The following NLGN1 variants were observed in gnomAD, a reference collection of about 807,000 sequenced individuals.
NLGN1 encodes the protein neuroligin-1.
Under a neutral mutation model 65.5 loss-of-function variants are expected in NLGN1, and 12 were observed. The ratio of observed to expected loss-of-function variants is 0.18; its 90% CI spans 0.12 to 0.30. The LOEUF is 0.30. NLGN1 is among the 10% of genes least tolerant of loss of function. NLGN1 has a pLI of 1.00. For missense variants in NLGN1, 750 were observed against 1,007.1 expected, an observed-to-expected ratio of 0.74 and a Z score of 3.46; for synonymous variants, 350 against 359.5, an observed-to-expected ratio of 0.97 and a Z score of 0.30.
At chr3:173,437,432 C>T (rs531169069) in intron 2 of NLGN1, among the ~76,000 whole-genome samples, 2 of 152,286 alleles carry the variant, frequency 1.3e-5, no homozygotes, top group Admixed American at 1.3e-4. Context: ...TATTAAAAGA[C>T]AGTTGCAGCT....
At chr3:173,541,152 C>T (rs1374156107) in intron 2 of NLGN1, among the ~76,000 whole-genome samples, 3 of 152,040 alleles carry the variant, frequency 2.0e-5, no homozygotes, top group African/African-American at 7.2e-5. Flanking sequence ...ACAGCTTGTA[C>T]ACAATAAAGA....
intron 2 of NLGN1, among the ~76,000 whole-genome samples, chr3:173,459,085 AGAG>A (rs755698806): frequency 2.6e-5 from 4 of 152,148 alleles, no homozygotes; most frequent in Non-Finnish European, 4.4e-5. Flanking sequence ...AGAAGAAAGA[AGAG>A]GGTATTTTAT....
intron 2 of NLGN1, among the ~76,000 whole-genome samples, chr3:173,539,828 T>C (rs1321317032): frequency 7.4e-6 from 1 of 135,744 alleles, no homozygotes; most frequent in African/African-American, 2.7e-5. Context: ...ATGTTATATA[T>C]GTATATATGT....
chr3:173,853,330 G>T (rs1245236495), intron 4 of NLGN1, among the ~76,000 whole-genome samples: 1 of 152,100 alleles, frequency 6.6e-6, no homozygotes, highest in African/African-American at 2.4e-5. Flanking sequence ...TTAAAGAGAA[G>T]AATTAGTATG....
chr3:174,077,422 T>C (rs952071777), intron 4 of NLGN1, among the ~76,000 whole-genome samples: 1 of 152,184 alleles, frequency 6.6e-6, no homozygotes, highest in Admixed American at 6.5e-5. Context: ...AAGGAAGCAG[T>C]TTACTTTTAA....
At chr3:173,545,297 C>G (rs571008708) in intron 2 of NLGN1, among the ~76,000 whole-genome samples, 3 of 151,998 alleles carry the variant, frequency 2.0e-5, no homozygotes, top group Non-Finnish European at 4.4e-5. Flanking sequence ...TGGTCTCAAA[C>G]CGCTGACCTC....
At chr3:173,935,494 C>A (rs1473529259) in intron 4 of NLGN1, among the ~76,000 whole-genome samples, 3 of 151,306 alleles carry the variant, frequency 2.0e-5, no homozygotes, top group African/African-American at 4.9e-5. Flanking sequence ...CCAGGAGAAA[C>A]AAAAAATCCA....
At chr3:174,213,204 A>G (rs923974823) in intron 4 of NLGN1, among the ~76,000 whole-genome samples, 1 of 152,128 alleles carries the variant, frequency 6.6e-6, no homozygotes, top group African/African-American at 2.4e-5. Flanking sequence ...CAAAATAACT[A>G]TGGTTTAAAT....
chr3:173,608,151 A>C (rs1228890260), intron 3 of NLGN1, among the ~76,000 whole-genome samples: 1 of 151,930 alleles, frequency 6.6e-6, no homozygotes, highest in Non-Finnish European at 1.5e-5. Flanking sequence ...GTTGTTCTAT[A>C]ATTTTTAAAT....
At chr3:173,982,893 G>C (rs1338749767) in intron 4 of NLGN1, among the ~76,000 whole-genome samples, 1 of 152,078 alleles carries the variant, frequency 6.6e-6, no homozygotes, top group Non-Finnish European at 1.5e-5. Flanking sequence ...CCATACCCAG[G>C]TCCCTATCTT....
At chr3:173,935,112 G>A (rs1173341787) in intron 4 of NLGN1, among the ~76,000 whole-genome samples, 1 of 151,910 alleles carries the variant, frequency 6.6e-6, no homozygotes, top group African/African-American at 2.4e-5. Flanking sequence ...CCCATCTTCT[G>A]GGAGTTCTGG....
At chr3:174,225,746 T>A (rs1301463926) in intron 4 of NLGN1, among the ~76,000 whole-genome samples, 3 of 150,818 alleles carry the variant, frequency 2.0e-5, no homozygotes, top group Admixed American at 6.6e-5. Context: ...AAAAAAAAAA[T>A]TAGATTATTC....
intron 3 of NLGN1, among the ~76,000 whole-genome samples, chr3:173,735,345 C>G (rs1560263925): frequency 6.6e-6 from 1 of 152,032 alleles, no homozygotes; most frequent in African/African-American, 2.4e-5. Context: ...TACTGAAACA[C>G]TTTTATTTTT....
intron 4 of NLGN1, among the ~76,000 whole-genome samples, chr3:174,253,975 C>T (rs1745220264): frequency 6.6e-6 from 1 of 152,182 alleles, no homozygotes; most frequent in Admixed American, 6.6e-5. Flanking sequence ...AAGCCAATAT[C>T]ACCATGTTGC....
At chr3:174,044,141 A>T (rs1370994578) in intron 4 of NLGN1, among the ~76,000 whole-genome samples, 3 of 151,060 alleles carry the variant, frequency 2.0e-5, no homozygotes, top group Non-Finnish European at 4.4e-5. Flanking sequence ...AAGTCCTGAG[A>T]CTACACACAC....
At chr3:173,816,608 A>G (rs1366804647) in intron 4 of NLGN1, among the ~76,000 whole-genome samples, 1 of 152,214 alleles carries the variant, frequency 6.6e-6, no homozygotes, top group Non-Finnish European at 1.5e-5. Flanking sequence ...TCCATTATTC[A>G]TGTAGCATAA....
intron 4 of NLGN1, among the ~76,000 whole-genome samples, chr3:174,274,269 A>G (rs1248198327): frequency 1.3e-5 from 2 of 151,408 alleles, no homozygotes; most frequent in African/African-American, 4.8e-5. Flanking sequence ...ATATTAGAGA[A>G]TAGATGTTTG....
At chr3:173,702,005 C>T (rs973016851) in intron 3 of NLGN1, among the ~76,000 whole-genome samples, 1 of 151,994 alleles carries the variant, frequency 6.6e-6, no homozygotes, top group South Asian at 2.1e-4. Flanking sequence ...TTTGGGAGGC[C>T]GAGGCGGGTG....
intron 3 of NLGN1, among the ~76,000 whole-genome samples, chr3:173,769,252 C>T (rs1578342833): frequency 6.6e-6 from 1 of 152,128 alleles, no homozygotes; most frequent in Non-Finnish European, 1.5e-5. Flanking sequence ...AAAAATTTTT[C>T]AGTGGTTCAC....
Sources: gnomAD v4.1 joint callset for allele counts (sites outside exome capture counted in the v4.1 genomes callset) on GRCh38, gnomAD v4.1.1 for gene constraint, MANE v1.5 for transcripts, NCBI Gene and HGNC (gene_info 2026-07-23, HGNC 2026-07-21) for gene names.